HAO1: variants seen among roughly 807,000 people sequenced by gnomAD.
The protein encoded by HAO1 is hydroxyacid oxidase 1, also known as 2-Hydroxyacid oxidase 1.
In HAO1, 34 loss-of-function variants were observed where a neutral mutation model predicts 39.7. The observed-to-expected ratio is 0.86, with a 90% confidence interval of 0.65 to 1.14. HAO1 has a LOEUF of 1.14. HAO1 is among the 50% of genes most tolerant of loss of function. The probability of loss-of-function intolerance (pLI) is 0.00; values close to 1 mark genes in which losing one functional copy is unlikely to be tolerated. For missense variants in HAO1, 479 were observed against 464.5 expected (o/e 1.03, Z -0.29); for synonymous variants, 172 against 173.2 (o/e 0.99, Z 0.05).
chr20:7,932,101 A>C (rs2050388370), intron 2 of HAO1, among the ~76,000 whole-genome samples: 1 of 152,162 alleles, frequency 6.6e-6, no homozygotes, highest in East Asian at 1.9e-4. Flanking sequence ...ATGAGATCAG[A>C]TGGTTTTATA....
At chr20:7,909,383 A>ATATATATATGTG (rs1555774047) in intron 3 of HAO1, among the ~76,000 whole-genome samples, 1 of 124,818 alleles carries the variant, frequency 8.0e-6, no homozygotes, top group East Asian at 2.7e-4. Context: ...ATATATGTAT[A>ATATATATATGTG]TATATATATA....
chr20:7,936,218 T>A (rs938314905), intron 1 of HAO1, among the ~76,000 whole-genome samples: 2 of 152,116 alleles, frequency 1.3e-5, no homozygotes, highest in South Asian at 4.1e-4. Flanking sequence ...ACATTATAAT[T>A]GTCATTATTT....
chr20:7,893,327 G>A (rs983177866), intron 5 of HAO1, among the ~76,000 whole-genome samples: 14 of 152,118 alleles, frequency 9.2e-5, no homozygotes, highest in Non-Finnish European at 1.9e-4. Flanking sequence ...GAGAAACTTA[G>A]TTCATACTTC....
chr20:7,927,199 T>C (rs1195243645), intron 2 of HAO1, among the ~76,000 whole-genome samples: 7 of 152,122 alleles, frequency 4.6e-5, no homozygotes, highest in Non-Finnish European at 2.9e-5. Context: ...ATTTTATTAA[T>C]TGGATATTTG....
intron 4 of HAO1, among the ~76,000 whole-genome samples, chr20:7,896,628 T>C (rs534199771): frequency 6.6e-6 from 1 of 152,164 alleles, no homozygotes; most frequent in Non-Finnish European, 1.5e-5. Flanking sequence ...CTCTCAAAAT[T>C]TGTATTTTGA....
At chr20:7,915,005 A>G (rs552651757) in intron 2 of HAO1, among the ~76,000 whole-genome samples, 36 of 152,280 alleles carry the variant, frequency 2.4e-4, no homozygotes, top group Non-Finnish European at 3.5e-4. Context: ...CTGTAGTCCC[A>G]GCTACTCAGG....
chr20:7,891,617 A>T (rs878885455), intron 5 of HAO1, among the ~76,000 whole-genome samples: 2 of 152,152 alleles, frequency 1.3e-5, no homozygotes, highest in Admixed American at 1.3e-4. Flanking sequence ...ATCATTCCCT[A>T]AACCAATGTC....
chr20:7,912,278 C>T (rs1317120053), intron 3 of HAO1, among the ~76,000 whole-genome samples: 1 of 152,118 alleles, frequency 6.6e-6, no homozygotes, highest in Admixed American at 6.6e-5. Context: ...CACTGAGTAG[C>T]CCCAGCAGTG....
intron 2 of HAO1, among the ~76,000 whole-genome samples, chr20:7,916,703 T>C (rs889779977): frequency 6.6e-6 from 1 of 152,316 alleles, no homozygotes; most frequent in East Asian, 1.9e-4. Context: ...TTGTTTTTGA[T>C]AAATGTTAAT....
In HAO1 at chr20:7,934,541, C is replaced by T. The variant is rs956147817; in HGVS notation, c.232G>A (p.Gly78Arg). ...GQRVSMPICV[G>R]ATAMQRMAHV... Reference sequence around the variant, plus strand: ...GCCATGCGCTGCATGGCCGTAGCCCCCACACATATTGGCATGCTGACCCTC... The same window carrying T: ...GCCATGCGCTGCATGGCCGTAGCCCTCACACATATTGGCATGCTGACCCTC... The change falls in exon 2 of 8, where the codon GGG becomes AGG. Residue 78 changes from glycine to arginine, a missense_variant. Physicochemically the swap from Gly to Arg is moderately radical, Grantham distance 125. Transcript: ENST00000378789. 1.2e-6 allele frequency: 2 copies of T among 1,613,586 alleles called. No individual in the cohort carries two copies. Among genetic ancestry groups the T allele is most frequent in the Non-Finnish European group, 1.7e-6 (2 of 1,179,566 alleles).
At chr20:7,893,732 T>C (rs1030186780) in intron 5 of HAO1, among the ~76,000 whole-genome samples, 5 of 152,106 alleles carry the variant, frequency 3.3e-5, no homozygotes, top group African/African-American at 9.7e-5. Context: ...CCCCACCAAA[T>C]TATCCTTAAA....
Position 7,885,732 on chromosome 20 carries a change from G to C in HAO1, c.946C>G (p.Pro316Ala). Residue 316 changes from proline (P) to alanine (A), a missense_variant, in exon 6 of 8, where the codon CCA becomes GCA. Coordinates refer to ENST00000378789, the MANE Select transcript of HAO1 (RefSeq NM_017545.3). ...TGGAAAGCTAAGCCCCAAACGATTG[G>C]TCTCCCCACAAACACAGCCTTGGCG... ...LGAKAVFVGR[P>A]IVWGLAFQGE... 6.2e-7 allele frequency: 1 copy of C among 1,613,454 alleles called. No homozygotes were observed.
intron 4 of HAO1, among the ~76,000 whole-genome samples, chr20:7,901,157 A>T (rs75925266): frequency 0.025 from 3,773 of 152,304 alleles, 76 homozygotes; most frequent in Non-Finnish European, 0.041. Context: ...GGAAGGAGCC[A>T]TCTCTATAAC....
At chr20:7,935,454 A>G (rs111719750) in intron 1 of HAO1, among the ~76,000 whole-genome samples, 6 of 152,288 alleles carry the variant, frequency 3.9e-5, no homozygotes, top group African/African-American at 1.4e-4. Flanking sequence ...TCTTCTTTTT[A>G]TGTGATAAAC....
rs1336794436 is a variant in HAO1, at chr20:7,890,889, A to G, written c.813+4244T>C. Among the ~76,000 whole-genome samples the G allele has an allele frequency of 3.3e-5, 5 of 152,222 alleles. No homozygotes were observed. In the South Asian group the frequency reaches 6.2e-4, roughly 19 times the overall value. ...AAATGCTGTTAATTCATTCCTTTTT[A>G]TGGCTGAGTAATATTCCATCATATA... On this transcript the variant is annotated intron_variant, in intron 5 of 7. Transcript: ENST00000378789.
At chr20:7,909,383 A>ATATATATATATATATATATATATATGTG (rs1568514558) in intron 3 of HAO1, among the ~76,000 whole-genome samples, 4 of 124,818 alleles carry the variant, frequency 3.2e-5, no homozygotes, top group Non-Finnish European at 6.3e-5. Flanking sequence ...ATATATGTAT[A>ATATATATATATATATATATATATATGTG]TATATATATA....
intron 2 of HAO1, among the ~76,000 whole-genome samples, chr20:7,931,136 T>G (rs899476814): frequency 6.6e-6 from 1 of 152,184 alleles, no homozygotes; most frequent in Non-Finnish European, 1.5e-5. Flanking sequence ...GCTGCCCTGA[T>G]AGGAACCCAA....
intron 4 of HAO1, among the ~76,000 whole-genome samples, chr20:7,898,318 C>T (rs986533063): frequency 1.3e-5 from 2 of 152,156 alleles, no homozygotes; most frequent in Non-Finnish European, 2.9e-5. Flanking sequence ...TCCTGAAAGC[C>T]TATCTCAAGG....
At chr20:7,934,054 G>T (rs1269149926) in intron 2 of HAO1, among the ~76,000 whole-genome samples, 1 of 152,168 alleles carries the variant, frequency 6.6e-6, no homozygotes, top group East Asian at 1.9e-4. Context: ...TAGCCACAGG[G>T]CTGAATTCCA....
Sources: allele counts gnomAD v4.1 joint callset (sites outside exome capture counted in the v4.1 genomes callset), GRCh38; gene constraint gnomAD v4.1.1; transcripts MANE v1.5; gene names NCBI Gene and HGNC (gene_info 2026-07-23, HGNC 2026-07-21).